Variants in CNOT4 observed in about 807,000 individuals in gnomAD.
CNOT4 encodes the protein CCR4-NOT transcription complex subunit 4.
A neutral mutation model predicts 73.8 loss-of-function variants in CNOT4; 8 were observed. The ratio of observed to expected loss-of-function variants is 0.11; its 90% CI spans 0.06 to 0.20. CNOT4 has a LOEUF of 0.20. CNOT4 is among the 10% of genes least tolerant of loss of function. CNOT4 has a pLI of 1.00. For missense variants in CNOT4, 564 were observed against 883.4 expected (o/e 0.64, Z 4.58); for synonymous variants, 293 against 321.1 (o/e 0.91, Z 0.94).
Position 135,479,448 on chromosome 7 carries a change from A to G in CNOT4, c.-93+30441T>C, listed in dbSNP as rs574421351. Among the ~76,000 whole-genome samples the G allele has an allele frequency of 2.6e-5, 4 of 151,630 alleles. No individual in the cohort carries two copies. In the South Asian group the frequency reaches 8.3e-4, roughly 31 times the overall value. Reference sequence around the variant, plus strand: ...ATGGTCTCGATCTCTTGACCTTGTGATCCGCCCGCCTCGGCCTCCCAAAGT... The same window carrying G: ...ATGGTCTCGATCTCTTGACCTTGTGGTCCGCCCGCCTCGGCCTCCCAAAGT... On this transcript the variant is annotated intron_variant, in intron 1 of 11. Coordinates refer to ENST00000541284, the MANE Select transcript of CNOT4 (RefSeq NM_001190850.2).
At chr7:135,375,117 A>G (rs1234193210) in intron 10 of CNOT4, among the ~76,000 whole-genome samples, 2 of 152,374 alleles carry the variant, frequency 1.3e-5, no homozygotes, top group Admixed American at 1.3e-4. Context: ...GAAAATACAA[A>G]TATTAGTAAC....
intron 1 of CNOT4, among the ~76,000 whole-genome samples, chr7:135,440,208 G>C (rs1199691169): frequency 8.5e-6 from 1 of 118,206 alleles, no homozygotes; most frequent in Non-Finnish European, 1.8e-5. Flanking sequence ...AAAGCAGTAA[G>C]ACACAGACAA....
chr7:135,408,598 G>A (rs1797428613), intron 7 of CNOT4, among the ~76,000 whole-genome samples: 1 of 152,124 alleles, frequency 6.6e-6, no homozygotes, highest in African/African-American at 2.4e-5. Context: ...GCAAATCAGA[G>A]GGCAAGGCAG....
chr7:135,456,689 G>A (rs1025757093), intron 1 of CNOT4, among the ~76,000 whole-genome samples: 2 of 151,708 alleles, frequency 1.3e-5, no homozygotes, highest in East Asian at 1.9e-4. Flanking sequence ...CTTATAACTC[G>A]GTAAATGCTA....
chr7:135,395,750 G>A lies in CNOT4; in HGVS notation c.1013C>T (p.Ser338Leu). Residue 338 changes from serine (S) to leucine (L), a missense_variant, in exon 9 of 12, where the codon TCA becomes TTA. Physicochemically the swap from Ser to Leu is moderately radical, Grantham distance 145 (BLOSUM62 -2). Around this residue, in one of 10 missense-constraint regions of CNOT4, gnomAD observed 135 missense variants for 154.0 expected, o/e 0.88. Transcript: ENST00000541284. ...GAVTESQSLF[S>L]DNFRHPNPIP... ...AGGGTTGGGATGGCGAAAATTGTCT[G>A]AGAATAACGACTGTGACTCTGTTAC... The A allele has an allele frequency of 6.2e-7, 1 of 1,614,088 alleles. No homozygotes were observed.
At chr7:135,490,165 T>TAG in intron 1 of CNOT4, among the ~76,000 whole-genome samples, 1 of 152,364 alleles carries the variant, frequency 6.6e-6, no homozygotes, top group Non-Finnish European at 1.5e-5. Context: ...CGTTACATAT[T>TAG]AGTATCAATT....
In CNOT4 at chr7:135,436,632, AT is replaced by A. The variant is rs143578513; in HGVS notation, c.174+1525del. ...ATATTAACTACATGAAATATTATAT[AT>A]ATACAAATTATATATACACATTATA... On this transcript the variant is annotated intron_variant, in intron 2 of 11. Transcript: ENST00000541284. 2.3e-3 allele frequency among the ~76,000 whole-genome samples: 341 copies of A among 151,054 alleles called. 13 individuals are homozygous for A. The East Asian group carries it at 0.054, about 24-fold the overall frequency.
Position 135,393,873 on chromosome 7 carries a change from AAT to A in CNOT4, c.1627+43_1627+44del, listed in dbSNP as rs780540697. 10 of 1,422,848 alleles carry A rather than the reference AAT, an allele frequency of 7.0e-6. No homozygotes were observed. The South Asian group carries it at 1.1e-4, about 15-fold the overall frequency. 88.1% of individuals were successfully genotyped at this position (1,422,848 alleles called of 1,614,324 possible). ...TTCCCTATCCACCCAACAACCTGAAAATATGAGTTATTCAAAAATTCTCAAAG... is the reference window on the plus strand; with the variant it reads ...TTCCCTATCCACCCAACAACCTGAAAATGAGTTATTCAAAAATTCTCAAAG... On this transcript the variant is annotated intron_variant, in intron 10 of 11. Transcript: ENST00000541284.
intron 1 of CNOT4, among the ~76,000 whole-genome samples, chr7:135,507,134 T>C (rs1804427506): frequency 6.6e-6 from 1 of 152,256 alleles, no homozygotes; most frequent in African/African-American, 2.4e-5. Context: ...TTGCAAGTTA[T>C]CGCTAGTACT....
At position 135,362,839 on chromosome 7, in the gene CNOT4, C is replaced by CA; in HGVS notation, c.*45dup. 1 of 1,537,732 alleles carries CA rather than the reference C, an allele frequency of 6.5e-7. No individual in the cohort carries two copies. On this transcript the variant is annotated 3_prime_UTR_variant, in exon 12 of 12. Transcript: ENST00000541284. ...GGGTGGTGGGCTGAGAGGGAGAAAACAGAGTGGGACAAATCCTGCATTTTC... is the reference window on the plus strand; with the variant it reads ...GGGTGGTGGGCTGAGAGGGAGAAAACAAGAGTGGGACAAATCCTGCATTTTC...
intron 10 of CNOT4, among the ~76,000 whole-genome samples, chr7:135,370,505 A>G (rs895222609): frequency 6.6e-6 from 1 of 152,162 alleles, no homozygotes; most frequent in Admixed American, 6.5e-5. Context: ...TGAACCATTC[A>G]TCTGGCAGCA....
chr7:135,439,119 T>C (rs1799327813), intron 1 of CNOT4, among the ~76,000 whole-genome samples: 1 of 152,226 alleles, frequency 6.6e-6, no homozygotes, highest in Admixed American at 6.5e-5. Flanking sequence ...ATAATATAAC[T>C]TTTTAGATTA....
intron 2 of CNOT4, among the ~76,000 whole-genome samples, chr7:135,426,828 C>A (rs1253860881): frequency 6.6e-6 from 1 of 150,600 alleles, no homozygotes; most frequent in Non-Finnish European, 1.5e-5. Flanking sequence ...GAGGCTGAGG[C>A]AGGAGAATCG....
At chr7:135,436,305 C>G (rs180973228) in intron 2 of CNOT4, among the ~76,000 whole-genome samples, 1 of 149,516 alleles carries the variant, frequency 6.7e-6, no homozygotes, top group Non-Finnish European at 1.5e-5. Context: ...TCTGTAATGA[C>G]AATTTAATAA....
chr7:135,483,928 C>T (rs1388759225), intron 1 of CNOT4, among the ~76,000 whole-genome samples: 2 of 152,162 alleles, frequency 1.3e-5, no homozygotes, highest in African/African-American at 2.4e-5. Context: ...TGGTGGCCCA[C>T]GCCTGTAAGC....
chr7:135,397,831 A>C (rs576864154), intron 8 of CNOT4, among the ~76,000 whole-genome samples: 1 of 152,270 alleles, frequency 6.6e-6, no homozygotes, highest in African/African-American at 2.4e-5. Context: ...GGGCAAGGGG[A>C]GTATGTGGTA....
At chr7:135,431,057 G>A (rs989296691) in intron 2 of CNOT4, among the ~76,000 whole-genome samples, 1 of 152,118 alleles carries the variant, frequency 6.6e-6, no homozygotes, top group African/African-American at 2.4e-5. Context: ...TTGAGGCCAG[G>A]AGTTCAAGAC....
chr7:135,462,331 T>A (rs1279684889), intron 1 of CNOT4, among the ~76,000 whole-genome samples: 1 of 152,124 alleles, frequency 6.6e-6, no homozygotes, highest in Admixed American at 6.6e-5. Context: ...TTACAAAATA[T>A]AATTAACCTA....
intron 1 of CNOT4, among the ~76,000 whole-genome samples, chr7:135,470,033 G>A (rs1801476776): frequency 6.6e-6 from 1 of 152,030 alleles, no homozygotes; most frequent in Non-Finnish European, 1.5e-5. Context: ...ACATTGGTTA[G>A]GCTGGTCTCG....
Sources: gnomAD v4.1 joint callset for allele counts (sites outside exome capture counted in the v4.1 genomes callset) on GRCh38, gnomAD v4.1.1 for gene constraint, gnomAD v4.1.1 regional missense constraint, MANE v1.5 for transcripts, NCBI Gene and HGNC (gene_info 2026-07-23, HGNC 2026-07-21) for gene names.